Variants in COL4A3 observed in about 807,000 individuals in gnomAD.
COL4A3 encodes the protein collagen type IV alpha 3 chain, also known as collagen alpha-3(IV) chain.
In COL4A3, 135 loss-of-function variants were observed where a neutral mutation model predicts 217.4. That is an observed-to-expected ratio of 0.62 (90% CI 0.54 to 0.72). The LOEUF (loss-of-function observed/expected upper bound fraction) is 0.72, where lower values mean the gene tolerates loss of function less well. COL4A3 is among the 30% of genes least tolerant of loss of function. The pLI is 0.00. For missense variants in COL4A3, 1,868 were observed against 2,119.9 expected, an observed-to-expected ratio of 0.88 and a Z score of 2.33; for synonymous variants, 690 against 736.3, an observed-to-expected ratio of 0.94 and a Z score of 1.02.
At chr2:227,285,343 C>T (rs2072255041) in intron 34 of COL4A3, among the ~76,000 whole-genome samples, 2 of 138,768 alleles carry the variant, frequency 1.4e-5, no homozygotes. Context: ...TAAAGGCTGA[C>T]TAACTGGCAA....
At chr2:227,245,623 A>G in intron 5 of COL4A3, 1 of 396,186 alleles carries the variant, frequency 2.5e-6, no homozygotes, top group Non-Finnish European at 4.8e-6. Context: ...GAATAATAAA[A>G]TAGTTTCATC....
chr2:227,290,158 T>A, intron 36 of COL4A3, 70 bp downstream of exon 36: 5 of 1,465,582 alleles, frequency 3.4e-6, no homozygotes, highest in Non-Finnish European at 4.8e-6. Flanking sequence ...TTCTGTGTTG[T>A]GTACTGTTTT....
intron 44 of COL4A3, 97 bp downstream of exon 44, chr2:227,303,207 G>T: frequency 9.5e-7 from 1 of 1,048,966 alleles, no homozygotes; most frequent in Admixed American, 1.8e-5. Context: ...GACAGCTGGG[G>T]TTAGTACAAA....
At chr2:227,294,832 G>A (rs1205095330) in intron 39 of COL4A3, 132 bp from the exon 40 acceptor site, 1 of 786,102 alleles carries the variant, frequency 1.3e-6, no homozygotes, top group East Asian at 2.4e-5. Flanking sequence ...CATAGCTACA[G>A]TTCTGAAAAA....
intron 51 of COL4A3, 109 bp from the exon 52 acceptor site, chr2:227,311,677 C>A (rs1227316006): frequency 1.8e-6 from 2 of 1,092,624 alleles, no homozygotes; most frequent in East Asian, 2.6e-5. Flanking sequence ...CACGCCCGAC[C>A]CTGTAATAAA....
intron 1 of COL4A3, among the ~76,000 whole-genome samples, chr2:227,203,809 CAA>C (rs1164373296): frequency 6.7e-6 from 1 of 150,158 alleles, no homozygotes; most frequent in Non-Finnish European, 1.5e-5. Context: ...ACTACAGTAG[CAA>C]AGTCATTTAT....
At chr2:227,239,875 C>T (rs1411877014) in intron 2 of COL4A3, among the ~76,000 whole-genome samples, 14 of 152,194 alleles carry the variant, frequency 9.2e-5, no homozygotes, top group Non-Finnish European at 1.0e-4. Flanking sequence ...CTCTGCTCTA[C>T]ATAGCCCTAC....
chr2:227,186,126 C>T (rs1476610613), intron 1 of COL4A3, among the ~76,000 whole-genome samples: 1 of 152,178 alleles, frequency 6.6e-6, no homozygotes, highest in Non-Finnish European at 1.5e-5. Flanking sequence ...TAAAGATTTG[C>T]CCCCCACCCT....
At chr2:227,310,991 G>A in intron 51 of COL4A3, 43 bp downstream of exon 51, 1 of 1,607,586 alleles carries the variant, frequency 6.2e-7, no homozygotes, top group African/African-American at 1.3e-5. Flanking sequence ...CTCAATTGCA[G>A]AACTATTCAA....
intron 1 of COL4A3, among the ~76,000 whole-genome samples, chr2:227,211,711 G>A (rs1453637525): frequency 6.7e-6 from 1 of 150,370 alleles, no homozygotes; most frequent in African/African-American, 2.5e-5. Context: ...AGGCTGGAGT[G>A]CAGTGGTGCA....
intron 17 of COL4A3, among the ~76,000 whole-genome samples, chr2:227,256,972 T>G (rs1216218714): frequency 6.6e-6 from 1 of 152,236 alleles, no homozygotes; most frequent in Non-Finnish European, 1.5e-5. Flanking sequence ...ACTACAAACC[T>G]GCACAGCATG....
chr2:227,297,378 GA>G (rs2073074351), intron 41 of COL4A3, among the ~76,000 whole-genome samples: 1 of 152,146 alleles, frequency 6.6e-6, no homozygotes, highest in East Asian at 1.9e-4. Context: ...GAATTAGCTA[GA>G]ACAGGTATTA....
intron 22 of COL4A3, 104 bp from the exon 23 acceptor site, chr2:227,266,889 A>G: frequency 3.8e-6 from 3 of 793,530 alleles, no homozygotes; most frequent in Non-Finnish European, 6.6e-6. Context: ...TTCACTACAT[A>G]AAAATGTTTA....
chr2:227,186,209 C>T (rs768949627), intron 1 of COL4A3, among the ~76,000 whole-genome samples: 6 of 152,188 alleles, frequency 3.9e-5, no homozygotes, highest in African/African-American at 9.7e-5. Context: ...GCTTCTATCA[C>T]GCCCTCGATC....
At position 227,294,507 on chromosome 2, in the gene COL4A3, G is replaced by A; in HGVS notation, c.3355G>A (p.Gly1119Ser). 2 of 1,612,802 alleles carry A rather than the reference G, an allele frequency of 1.2e-6. No individual in the cohort carries two copies. Among genetic ancestry groups the A allele is most frequent in the African/African-American group, 1.3e-5 (1 of 74,978 alleles). Residue 1119 changes from glycine to serine, a missense_variant, in exon 39 of 52, where the codon GGT (glycine) becomes AGT (serine). Gly to Ser is a moderately conservative substitution (Grantham distance 56). Around this residue, in one of 2 missense-constraint regions of COL4A3, gnomAD observed 1,503 missense variants for 1,786.1 expected, o/e 0.84. Transcript: ENST00000396578. ...ATTTCCAGGAAAGCCAGGTCCTCAT[G>A]GTGATTTGGGTTTTAAAGGAATCAA... ...PGLPGKPGPH[G>S]DLGFKGIKGL...
At chr2:227,208,578 C>T (rs2125779912) in intron 1 of COL4A3, among the ~76,000 whole-genome samples, 1 of 152,280 alleles carries the variant, frequency 6.6e-6, no homozygotes, top group Non-Finnish European at 1.5e-5. Context: ...AAGCCCCTAC[C>T]CGCCAAACTA....
In COL4A3 at chr2:227,282,345, A is replaced by G; in HGVS notation, c.2489-20A>G. On this transcript the variant is annotated intron_variant, in intron 31 of 51. Transcript: ENST00000396578. The surrounding 1 kb of genome is among the most constrained non-coding windows in gnomAD (Gnocchi z 4.4). ...AAAGCATTTGTGGGTTAATTAATTCATTCATTTATTCGTACACAGGCAGAA... is the reference window on the plus strand; with the variant it reads ...AAAGCATTTGTGGGTTAATTAATTCGTTCATTTATTCGTACACAGGCAGAA... 1 of 1,602,928 alleles carries G rather than the reference A, an allele frequency of 6.2e-7. No individual in the cohort carries two copies.
intron 1 of COL4A3, among the ~76,000 whole-genome samples, chr2:227,217,649 A>T (rs1390589892): frequency 1.3e-5 from 2 of 152,200 alleles, no homozygotes; most frequent in Non-Finnish European, 2.9e-5. Context: ...GGGAAGCCGT[A>T]AATTGCAAAA....
chr2:227,289,084 G>A (rs1225617610), intron 34 of COL4A3, 66 bp from the exon 35 acceptor site: 12 of 1,237,988 alleles, frequency 9.7e-6, no homozygotes, highest in Admixed American at 3.8e-5. Flanking sequence ...CCACGTAGCT[G>A]GGATTACAGG....
Sources: gnomAD v4.1 joint callset for allele counts (sites outside exome capture counted in the v4.1 genomes callset) on GRCh38, gnomAD v4.1.1 for gene constraint, gnomAD v4.1.1 regional missense constraint, Gnocchi (gnomAD v3.1) non-coding constraint, MANE v1.5 for transcripts, NCBI Gene and HGNC (gene_info 2026-07-23, HGNC 2026-07-21) for gene names.